The following CCDC141 variants were observed in gnomAD, a reference collection of about 807,000 sequenced individuals.
CCDC141 encodes coiled-coil domain containing 141, also known as coiled-coil domain-containing protein 141.
Under a neutral mutation model 181.0 loss-of-function variants are expected in CCDC141, and 168 were observed. That is an observed-to-expected ratio of 0.93 (90% confidence interval 0.82 to 1.05). The LOEUF is 1.05. Among genes scored for constraint, CCDC141 ranks in the 50% least tolerant of loss-of-function variants. The pLI is 0.00. For synonymous variants in CCDC141, 666 were observed against 642.3 expected (o/e 1.04, Z -0.56); for missense variants, 1,902 against 1,788.5 (o/e 1.06, Z -1.14).
Position 179,002,437 on chromosome 2 carries a change from C to T in CCDC141, c.226-23762G>A, listed in dbSNP as rs180799038. ...GTTCCTGGACTGACTGACACCATGA[C>T]GCCTCATCACTTGGGGCCCAAAAGA... is the stretch of plus-strand genomic sequence containing the variant. On this transcript the variant is annotated intron_variant, in intron 2 of 23. Transcript: ENST00000443758. 9.4e-5 allele frequency: 35 copies of T among 374,326 alleles called. 1 individual carries two copies. The highest frequency in any genetic ancestry group is 9.1e-4 in the Middle Eastern group (1 of 1,096). 23.2% of individuals were successfully genotyped at this position (374,326 alleles called of 1,614,324 possible).
intron 6 of CCDC141, among the ~76,000 whole-genome samples, chr2:178,939,876 G>T (rs1050866145): frequency 6.6e-6 from 1 of 152,104 alleles, no homozygotes; most frequent in African/African-American, 2.4e-5. Context: ...TAAAGCACTG[G>T]CTTTCATATC....
At chr2:178,909,157 A>G (rs1688112242) in intron 7 of CCDC141, among the ~76,000 whole-genome samples, 1 of 152,234 alleles carries the variant, frequency 6.6e-6, no homozygotes, top group Non-Finnish European at 1.5e-5. Flanking sequence ...GAATGTTATA[A>G]TAAAAGTATT....
At chr2:179,022,208 C>T (rs1020179740) in intron 2 of CCDC141, among the ~76,000 whole-genome samples, 3 of 152,058 alleles carry the variant, frequency 2.0e-5, no homozygotes, top group Non-Finnish European at 4.4e-5. Context: ...GTTCTGTGGC[C>T]TTTCAAGTGA....
intron 17 of CCDC141, among the ~76,000 whole-genome samples, chr2:178,857,875 C>T (rs939457952): frequency 2.0e-5 from 3 of 152,146 alleles, no homozygotes; most frequent in Non-Finnish European, 4.4e-5. Flanking sequence ...AATATACTTG[C>T]CCTACAAAAT....
Position 178,853,593 on chromosome 2 carries a change from G to A in CCDC141, c.3092C>T (p.Thr1031Ile). 1 of 1,613,262 alleles carries A rather than the reference G, an allele frequency of 6.2e-7. No individual in the cohort carries two copies. Among genetic ancestry groups the A allele is most frequent in the Non-Finnish European group, 8.5e-7 (1 of 1,179,596 alleles). The change falls in exon 20 of 24, where the codon ACA (threonine) becomes ATA (isoleucine). Residue 1031 changes from threonine (T) to isoleucine (I), a missense_variant. Thr to Ile is a moderately conservative substitution (Grantham distance 89). Coordinates refer to ENST00000443758, the MANE Select transcript of CCDC141 (RefSeq NM_173648.4). ...GGAATATTTTCCAACTCTTACAACT[G>A]TGGCACTTGCATCTTCGTACCAAAA... ...CHFWYEDASATVVRVGKYSTE... is the reference protein window; with the variant it reads ...CHFWYEDASAIVVRVGKYSTE...
chr2:178,937,324 C>G (rs1689330735), intron 6 of CCDC141, among the ~76,000 whole-genome samples: 2 of 151,990 alleles, frequency 1.3e-5, no homozygotes, highest in African/African-American at 4.8e-5. Context: ...TTATTGAAAG[C>G]CTCTTCCACA....
intron 2 of CCDC141, among the ~76,000 whole-genome samples, chr2:178,985,928 A>G (rs1273731375): frequency 6.6e-6 from 1 of 152,214 alleles, no homozygotes; most frequent in East Asian, 1.9e-4. Context: ...AACTATTCCA[A>G]TCAATAGAAA....
At chr2:178,975,692 T>C (rs1186132645) in intron 3 of CCDC141, among the ~76,000 whole-genome samples, 1 of 152,126 alleles carries the variant, frequency 6.6e-6, no homozygotes, top group East Asian at 1.9e-4. Context: ...TATGCAAGTT[T>C]CTGAATAATA....
At chr2:178,825,774 T>C (rs1684113473), downstream of CCDC141, among the ~76,000 whole-genome samples, 1 of 152,160 alleles carries the variant, frequency 6.6e-6, no homozygotes, top group East Asian at 1.9e-4. Context: ...TGGAGATGCC[T>C]GATCACTGCA....
At chr2:178,868,424 CT>C (rs1361154214) in intron 15 of CCDC141, among the ~76,000 whole-genome samples, 1 of 152,048 alleles carries the variant, frequency 6.6e-6, no homozygotes, top group Non-Finnish European at 1.5e-5. Context: ...AGGAAACAGT[CT>C]TTTTGGTCAT....
intron 8 of CCDC141, among the ~76,000 whole-genome samples, chr2:178,905,001 T>G (rs1687892297): frequency 6.6e-6 from 1 of 152,204 alleles, no homozygotes; most frequent in South Asian, 2.1e-4. Flanking sequence ...GAAGGAGCTA[T>G]TCCATAAAGA....
At chr2:178,966,065 A>T (rs1036400197) in intron 4 of CCDC141, among the ~76,000 whole-genome samples, 7 of 152,166 alleles carry the variant, frequency 4.6e-5, no homozygotes, top group Non-Finnish European at 7.4e-5. Flanking sequence ...CCAGACTGCC[A>T]TATTTCTCTT....
the CCDC141 span, among the ~76,000 whole-genome samples, chr2:178,823,215 G>C: frequency 6.6e-6 from 1 of 151,980 alleles, no homozygotes; most frequent in Non-Finnish European, 1.5e-5. Flanking sequence ...CATTTATTAA[G>C]TGCATTTTGA....
chr2:178,879,230 G>A (rs914166217), intron 11 of CCDC141, among the ~76,000 whole-genome samples: 1 of 152,182 alleles, frequency 6.6e-6, no homozygotes, highest in Non-Finnish European at 1.5e-5. Flanking sequence ...ACACAAGTTT[G>A]TATGCATTTT....
chr2:178,982,309 A>C (rs1691453866), intron 2 of CCDC141, among the ~76,000 whole-genome samples: 1 of 152,224 alleles, frequency 6.6e-6, no homozygotes, highest in Non-Finnish European at 1.5e-5. Flanking sequence ...TTCTTTATAA[A>C]GAAATGAACA....
chr2:178,872,043 A>G (rs1686140528), intron 13 of CCDC141, 90 bp downstream of exon 13: 1 of 1,290,256 alleles, frequency 7.8e-7, no homozygotes, highest in Non-Finnish European at 1.1e-6. Context: ...TGTTTGGCTT[A>G]TTTCACTTAG....
At position 178,868,217 on chromosome 2, in the gene CCDC141, G is replaced by A; in HGVS notation, c.2395-12C>T. ...ATGAGACGTCCCAGCTACAATTTAG[G>A]GCATTAACAATTAACCTGGGTTTTA... On this transcript the variant is annotated splice_polypyrimidine_tract_variant and intron_variant, in intron 15 of 23. Transcript: ENST00000443758. The A allele has an allele frequency of 6.3e-7, 1 of 1,596,438 alleles. No homozygotes were observed. The highest frequency in any genetic ancestry group is 8.6e-7 in the Non-Finnish European group (1 of 1,165,622).
intron 8 of CCDC141, among the ~76,000 whole-genome samples, chr2:178,893,799 TCACACACACACACACACACACACGCA>T (rs1430404042): frequency 7.0e-5 from 10 of 143,636 alleles, no homozygotes; most frequent in South Asian, 2.2e-4. Context: ...TCTCTCTCTC[TCACACACACACACACACACACACGCA>T]CACACACACA....
chr2:178,837,287 G>A lies in CCDC141; in HGVS notation c.3932C>T (p.Ala1311Val). The part of the protein sequence containing the change: ...TSRGFVEKST[A>V]LHRISAEHPE... ...ATGTTCAGCACTGATTCTGTGTAAGGCAGTACTCTTTTCCACGAATCCTCT... is the reference window on the plus strand; with the variant it reads ...ATGTTCAGCACTGATTCTGTGTAAGACAGTACTCTTTTCCACGAATCCTCT... Residue 1311 changes from alanine to valine, a missense_variant, in exon 23 of 24, where the codon GCC (alanine) becomes GTC (valine). Transcript: ENST00000443758. The A allele has an allele frequency of 1.2e-6, 2 of 1,614,082 alleles. No homozygotes were observed. The highest frequency in any genetic ancestry group is 1.7e-6 in the Non-Finnish European group (2 of 1,179,996).
Sources: gnomAD v4.1 joint callset for allele counts (sites outside exome capture counted in the v4.1 genomes callset) on GRCh38, gnomAD v4.1.1 for gene constraint, MANE v1.5 for transcripts, NCBI Gene and HGNC (gene_info 2026-07-23, HGNC 2026-07-21) for gene names.